CREB3L2: variants seen among roughly 807,000 people sequenced by gnomAD.
The protein encoded by CREB3L2 is cyclic AMP-responsive element-binding protein 3-like protein 2.
In CREB3L2, 23 loss-of-function variants were observed where a neutral mutation model predicts 57.2. That is an observed-to-expected ratio of 0.40 (90% confidence interval 0.29 to 0.57). CREB3L2 has a LOEUF of 0.57. Among genes scored for constraint, CREB3L2 ranks in the 20% least tolerant of loss-of-function variants. The pLI is 0.42. For synonymous variants in CREB3L2, 268 were observed against 265.1 expected, an observed-to-expected ratio of 1.01 and a Z score of -0.11; for missense variants, 628 against 634.7, an observed-to-expected ratio of 0.99 and a Z score of 0.11.
intron 3 of CREB3L2, among the ~76,000 whole-genome samples, chr7:137,913,767 T>C (rs891600397): frequency 6.6e-6 from 1 of 152,108 alleles, no homozygotes; most frequent in African/African-American, 2.4e-5. Context: ...CACTCCACTT[T>C]GGGGGCTTTA....
At chr7:137,931,263 C>T (rs568256434) in intron 1 of CREB3L2, among the ~76,000 whole-genome samples, 7 of 152,158 alleles carry the variant, frequency 4.6e-5, no homozygotes, top group African/African-American at 1.7e-4. Flanking sequence ...TGGTTCACGC[C>T]TGTAATCCCA....
intron 8 of CREB3L2, among the ~76,000 whole-genome samples, chr7:137,894,031 A>G (rs1016989051): frequency 6.6e-6 from 1 of 152,232 alleles, no homozygotes; most frequent in Admixed American, 6.5e-5. Context: ...TTGGAGAGAG[A>G]CAGTCTCTTG....
intron 8 of CREB3L2, among the ~76,000 whole-genome samples, chr7:137,900,423 T>C (rs1193357996): frequency 6.6e-6 from 1 of 152,226 alleles, no homozygotes; most frequent in Non-Finnish European, 1.5e-5. Context: ...TTTATCAACT[T>C]GGTACCGTTA....
intron 1 of CREB3L2, 52 bp from the exon 2 acceptor site, chr7:137,928,418 A>G: frequency 7.0e-7 from 1 of 1,425,620 alleles, no homozygotes; most frequent in Non-Finnish European, 9.8e-7. Context: ...ATAATGTGAC[A>G]GATACCCTAC....
intron 1 of CREB3L2, among the ~76,000 whole-genome samples, chr7:137,963,645 G>T (rs1375141075): frequency 2.0e-5 from 3 of 151,804 alleles, no homozygotes; most frequent in Non-Finnish European, 4.4e-5. Context: ...CCTCCTTCAC[G>T]AACTGTATTT....
chr7:137,929,459 C>T (rs1800559700), intron 1 of CREB3L2, among the ~76,000 whole-genome samples: 1 of 152,054 alleles, frequency 6.6e-6, no homozygotes, highest in South Asian at 2.1e-4. Flanking sequence ...TAGCACTCCC[C>T]CAGTTGTGAA....
At chr7:137,955,933 C>G (rs1416906097) in intron 1 of CREB3L2, among the ~76,000 whole-genome samples, 1 of 152,192 alleles carries the variant, frequency 6.6e-6, no homozygotes, top group African/African-American at 2.4e-5. Flanking sequence ...AGTCACTGGA[C>G]ACATTCAAGT....
At chr7:137,993,596 T>C (rs1396649709) in intron 1 of CREB3L2, among the ~76,000 whole-genome samples, 1 of 152,202 alleles carries the variant, frequency 6.6e-6, no homozygotes, top group Non-Finnish European at 1.5e-5. Context: ...CACAGCTCAC[T>C]GTAAACTCAA....
chr7:137,907,149 T>G (rs1291509871), intron 5 of CREB3L2, among the ~76,000 whole-genome samples: 2 of 152,180 alleles, frequency 1.3e-5, no homozygotes, highest in Non-Finnish European at 2.9e-5. Context: ...GGCAGTATTT[T>G]GAAAAGTCAC....
chr7:137,904,034 G>A lies in CREB3L2; in HGVS notation c.916-17C>T, dbSNP rs781293528. On this transcript the variant is annotated splice_polypyrimidine_tract_variant and intron_variant, in intron 6 of 11. Coordinates refer to ENST00000330387, the MANE Select transcript of CREB3L2 (RefSeq NM_194071.4). The stretch of plus-strand genomic sequence containing the variant: ...AGCAGAAATCTGAGAGAGAGGAGTG[G>A]GAGGAGAATGATTAATTTCCAGCTC... 239 of 1,599,010 alleles carry A rather than the reference G, an allele frequency of 1.5e-4. No individual in the cohort carries two copies. The highest frequency in any genetic ancestry group is 2.0e-4 in the Non-Finnish European group (237 of 1,166,396).
rs1305929910 is a variant in CREB3L2, at chr7:137,882,604, T to C, written c.1295A>G (p.Tyr432Cys). Residue 432 changes from tyrosine to cysteine, a missense_variant, in exon 11 of 12, where the codon TAC becomes TGC. Around this residue, in one of 3 missense-constraint regions of CREB3L2, gnomAD observed 272 missense variants for 242.7 expected, o/e 1.12. Coordinates refer to ENST00000330387, the MANE Select transcript of CREB3L2 (RefSeq NM_194071.4). The stretch of plus-strand genomic sequence containing the variant: ...CTCCTCTGGGGGAGAATGTTCCTCG[T>C]AGATCAGCAGGTTTCTGGATCTCAC... ...SVVRSRNLLI[Y>C]EEHSPPEESS... 1.2e-6 allele frequency: 2 copies of C among 1,607,548 alleles called. No homozygotes were observed. Among genetic ancestry groups the C allele is most frequent in the Non-Finnish European group, 1.7e-6 (2 of 1,175,508 alleles).
chr7:137,980,254 G>T lies in CREB3L2; in HGVS notation c.102+21350C>A, dbSNP rs1433128199. On this transcript the variant is annotated intron_variant, in intron 1 of 11. Coordinates refer to ENST00000330387, the MANE Select transcript of CREB3L2 (RefSeq NM_194071.4). The surrounding 1 kb of genome is among the most constrained non-coding windows in gnomAD (Gnocchi z 4.3). ...AGCTTTTAAAATGCCTGATGCCCAG[G>T]CCTCATCCCAGAACCAATTAAATCA... Among the ~76,000 whole-genome samples, 1 of 152,184 alleles carries T rather than the reference G, an allele frequency of 6.6e-6. No individual in the cohort carries two copies. The highest frequency in any genetic ancestry group is 1.5e-5 in the Non-Finnish European group (1 of 68,026).
chr7:137,884,539 C>T (rs560901270), intron 10 of CREB3L2: 6 of 243,018 alleles, frequency 2.5e-5, no homozygotes, highest in Middle Eastern at 1.4e-3. Flanking sequence ...TGAGCCACCA[C>T]GCCCGGCCCT....
Position 137,908,411 on chromosome 7 carries a change from C to A in CREB3L2, c.609G>T (p.Pro203=), listed in dbSNP as rs1292191605. 1.6e-6 allele frequency: 2 copies of A among 1,265,066 alleles called. No individual in the cohort carries two copies. The highest frequency in any genetic ancestry group is 2.0e-6 in the Non-Finnish European group (2 of 997,340). The allele number at this position is 1,265,066 out of a possible 1,614,324, so 78.4% of individuals were successfully genotyped here. ...KEAPVDHLHL[P]PTPPSSHGSD... ...TGCCGTGACTGCTCGGAGGGGTGGG[C>A]GGCAAATGCAGGTGGTCCACTGGGG... Residue 203 remains proline, a synonymous_variant, in exon 5 of 12, where the codon CCG becomes CCT. Coordinates refer to ENST00000330387, the MANE Select transcript of CREB3L2 (RefSeq NM_194071.4).
rs554051660 is a variant in CREB3L2 at position 137,920,910 on chromosome 7, C to T, written c.320-4898G>A. 2.0e-5 allele frequency among the ~76,000 whole-genome samples: 3 copies of T among 152,284 alleles called. 1 individual carries two copies. Among genetic ancestry groups the T allele is most frequent in the Admixed American group, 6.5e-5 (1 of 15,296 alleles). On this transcript the variant is annotated intron_variant, in intron 2 of 11. Transcript: ENST00000330387. ...TATCAAATCACAGAAAACAAAATGA[C>T]AAATGTAATCTATGAAGTGAGGGTT... is the stretch of plus-strand genomic sequence containing the variant.
At chr7:138,000,262 A>G (rs73729539) in intron 1 of CREB3L2, among the ~76,000 whole-genome samples, 1 of 152,144 alleles carries the variant, frequency 6.6e-6, no homozygotes. Context: ...CCCATTCATC[A>G]AAAGATATTT....
chr7:137,885,155 G>C, intron 9 of CREB3L2, 34 bp from the exon 10 acceptor site: 1 of 1,611,326 alleles, frequency 6.2e-7, no homozygotes, highest in South Asian at 1.1e-5. Context: ...GAGAACACGA[G>C]GGGCTGTGGA....
At chr7:137,892,404 A>G (rs1799544503) in intron 8 of CREB3L2, among the ~76,000 whole-genome samples, 1 of 151,752 alleles carries the variant, frequency 6.6e-6, no homozygotes, top group Non-Finnish European at 1.5e-5. Context: ...TAATCCCACT[A>G]CTTTGGGAGG....
intron 8 of CREB3L2, among the ~76,000 whole-genome samples, chr7:137,896,813 G>T (rs940172203): frequency 2.6e-5 from 4 of 152,218 alleles, no homozygotes; most frequent in African/African-American, 9.6e-5. Context: ...AGGCCAAGGG[G>T]AAGAGGAACA....
Sources: allele counts gnomAD v4.1 joint callset (sites outside exome capture counted in the v4.1 genomes callset), GRCh38; gene constraint gnomAD v4.1.1; regional missense constraint gnomAD v4.1.1; non-coding constraint Gnocchi (gnomAD v3.1); transcripts MANE v1.5; gene names NCBI Gene and HGNC (gene_info 2026-07-23, HGNC 2026-07-21).